Variants in NAA50 observed in about 807,000 individuals in gnomAD.
NAA50 encodes the protein N-alpha-acetyltransferase 50.
A neutral mutation model predicts 20.7 loss-of-function variants in NAA50; 7 were observed. The observed-to-expected ratio is 0.34, with a 90% CI of 0.19 to 0.63. The LOEUF (loss-of-function observed/expected upper bound fraction) is 0.63, where lower values mean the gene tolerates loss of function less well. Ranked by LOEUF, NAA50 falls within the 30% of genes least tolerant of loss-of-function variation. The pLI, the probability that NAA50 is intolerant of heterozygous loss-of-function variation, is 0.75. For synonymous variants in NAA50, 54 were observed against 70.6 expected, an observed-to-expected ratio of 0.77 and a Z score of 1.18; for missense variants, 111 against 199.1, an observed-to-expected ratio of 0.56 and a Z score of 2.66.
At chr3:113,723,565 T>C (rs777749251) in intron 2 of NAA50, 24 bp from the exon 3 acceptor site, 3 of 1,592,440 alleles carry the variant, frequency 1.9e-6, no homozygotes, top group Admixed American at 1.8e-5. Flanking sequence ...CATAAAGATA[T>C]AATGTTGAAC....
chr3:113,732,799 T>A (rs549875146), intron 1 of NAA50, among the ~76,000 whole-genome samples: 17 of 152,334 alleles, frequency 1.1e-4, no homozygotes, highest in African/African-American at 3.8e-4. Context: ...TGCCAACACC[T>A]TGATTTTAGC....
intron 1 of NAA50, among the ~76,000 whole-genome samples, chr3:113,735,474 A>G (rs1259533535): frequency 6.6e-6 from 1 of 152,250 alleles, no homozygotes; most frequent in Non-Finnish European, 1.5e-5. Flanking sequence ...AAGGATGGGC[A>G]TAGAGAACGG....
At chr3:113,725,056 C>G (rs1708184560) in intron 1 of NAA50, among the ~76,000 whole-genome samples, 1 of 152,186 alleles carries the variant, frequency 6.6e-6, no homozygotes, top group Admixed American at 6.5e-5. Context: ...AAGGAGCATT[C>G]CTAAGAAACC....
chr3:113,728,504 GC>G (rs1338509883), intron 1 of NAA50, among the ~76,000 whole-genome samples: 4 of 152,206 alleles, frequency 2.6e-5, no homozygotes, highest in African/African-American at 9.6e-5. Context: ...CTGTGGAAGG[GC>G]AAGAGATGCA....
intron 1 of NAA50, among the ~76,000 whole-genome samples, chr3:113,737,156 A>G (rs1178943301): frequency 6.6e-6 from 1 of 152,126 alleles, no homozygotes; most frequent in East Asian, 1.9e-4. Context: ...TTTACCCCTC[A>G]AGGTCACTTT....
In NAA50 at chr3:113,716,918, C is replaced by T. The variant is rs1365608659; in HGVS notation, c.*4842G>A. On this transcript the variant is annotated 3_prime_UTR_variant, in exon 5 of 5. Coordinates refer to ENST00000240922, the MANE Select transcript of NAA50 (RefSeq NM_025146.4). The stretch of plus-strand genomic sequence containing the variant: ...CTAGATCTCAACTCTAGGCTGTTAA[C>T]AAGTAGCAACTCCTTCATATTAACT... 6.6e-6 allele frequency: 1 copy of T among 152,216 alleles called. No homozygotes were observed. The highest frequency in any genetic ancestry group is 6.5e-5 in the Admixed American group (1 of 15,280). The allele number at this position is 152,216 out of a possible 1,614,324, so 9.4% of individuals were successfully genotyped here. A position where few individuals can be genotyped will look rare whatever the true frequency, so the allele number is the denominator to read the frequency against.
intron 3 of NAA50, 46 bp downstream of exon 3, chr3:113,723,374 AAT>A: frequency 2.6e-6 from 4 of 1,545,374 alleles, no homozygotes; most frequent in Admixed American, 2.0e-5. Flanking sequence ...ATTAACAAAT[AAT>A]ATGTTTATGC....
At chr3:113,743,705 T>C (rs1412421130) in intron 1 of NAA50, among the ~76,000 whole-genome samples, 1 of 152,188 alleles carries the variant, frequency 6.6e-6, no homozygotes, top group Non-Finnish European at 1.5e-5. Flanking sequence ...AGAACACAAT[T>C]CTAAGCTCCC....
At chr3:113,737,794 T>C (rs1050236099) in intron 1 of NAA50, among the ~76,000 whole-genome samples, 1 of 152,114 alleles carries the variant, frequency 6.6e-6, no homozygotes, top group African/African-American at 2.4e-5. Flanking sequence ...GCCAGAACTC[T>C]CCTACATCCT....
Position 113,720,792 on chromosome 3 carries a change from C to T in NAA50, c.*968G>A, listed in dbSNP as rs1454385141. The T allele has an allele frequency of 2.6e-4, 39 of 152,244 alleles. No individual in the cohort carries two copies. The highest frequency in any genetic ancestry group is 5.7e-4 in the Non-Finnish European group (39 of 68,010). 9.4% of individuals were successfully genotyped at this position (152,244 alleles called of 1,614,324 possible). On this transcript the variant is annotated 3_prime_UTR_variant, in exon 5 of 5. Transcript: ENST00000240922. ...TAATTGAATTTTTTGTGTCACAGCC[C>T]ATCTAAGCTTCCTTTTAGGTATTTT...
At chr3:113,731,425 A>ACTCC (rs1352450449) in intron 1 of NAA50, among the ~76,000 whole-genome samples, 1 of 151,992 alleles carries the variant, frequency 6.6e-6, no homozygotes, top group Non-Finnish European at 1.5e-5. Flanking sequence ...AGGTGTATGA[A>ACTCC]CTCCCTCTTT....
At position 113,741,018 on chromosome 3, in the gene NAA50, T is replaced by C. The variant is rs1380256301; in HGVS notation, c.8+4924A>G. The C allele has an allele frequency of 1.2e-5, 6 of 488,978 alleles. No individual in the cohort carries two copies. In the Admixed American group the frequency reaches 1.4e-4, roughly 12 times the overall value. The allele number at this position is 488,978 out of a possible 1,614,324, so 30.3% of individuals were successfully genotyped here. ...TCCTTCTTTTACATAACATTAACAG[T>C]TACTTTTCTAATCCCTTCTTCAGTG... On this transcript the variant is annotated intron_variant, in intron 1 of 4. Coordinates refer to ENST00000240922, the MANE Select transcript of NAA50 (RefSeq NM_025146.4).
chr3:113,736,509 T>TC (rs1708344525), intron 1 of NAA50, among the ~76,000 whole-genome samples: 1 of 152,208 alleles, frequency 6.6e-6, no homozygotes, highest in Non-Finnish European at 1.5e-5. Context: ...GGCCTATAAA[T>TC]CAAGCAGTGT....
intron 1 of NAA50, among the ~76,000 whole-genome samples, chr3:113,728,915 T>G (rs562906953): frequency 6.6e-6 from 1 of 152,324 alleles, no homozygotes; most frequent in East Asian, 1.9e-4. Context: ...TTGGCTGCAG[T>G]ATATGTTAAC....
Position 113,721,946 on chromosome 3 carries a change from TAA to T in NAA50, c.333-11_333-10del. The T allele has an allele frequency of 6.3e-7, 1 of 1,598,962 alleles. No homozygotes were observed. The highest frequency in any genetic ancestry group is 8.5e-7 in the Non-Finnish European group (1 of 1,174,660). On this transcript the variant is annotated splice_polypyrimidine_tract_variant and intron_variant, in intron 4 of 4. Coordinates refer to ENST00000240922, the MANE Select transcript of NAA50 (RefSeq NM_025146.4). ...TGCTGATCTGGACATGCCTGAGATATAAGAGAGTATCAGAAAAAAAATTAAAA... is the reference window on the plus strand; with the variant it reads ...TGCTGATCTGGACATGCCTGAGATATGAGAGTATCAGAAAAAAAATTAAAA...
At chr3:113,735,233 G>C (rs777512705) in intron 1 of NAA50, among the ~76,000 whole-genome samples, 4 of 152,188 alleles carry the variant, frequency 2.6e-5, no homozygotes, top group Admixed American at 6.5e-5. Flanking sequence ...AAAACCTGGA[G>C]AGTGAGTAGT....
At chr3:113,723,316 T>C in intron 3 of NAA50, 106 bp downstream of exon 3, 1 of 1,077,670 alleles carries the variant, frequency 9.3e-7, no homozygotes, top group Non-Finnish European at 1.3e-6. Context: ...AGTAACCCTT[T>C]CTCAGTATTC....
chr3:113,741,223 C>T lies in NAA50; in HGVS notation c.8+4719G>A, dbSNP rs144844357. 68 of 460,630 alleles carry T rather than the reference C, an allele frequency of 1.5e-4. No homozygotes were observed. In the East Asian group the frequency reaches 2.1e-3, roughly 14 times the overall value. 28.5% of individuals were successfully genotyped at this position (460,630 alleles called of 1,614,324 possible). A position where few individuals can be genotyped will look rare whatever the true frequency, so the allele number is the denominator to read the frequency against. On this transcript the variant is annotated intron_variant, in intron 1 of 4. Coordinates refer to ENST00000240922, the MANE Select transcript of NAA50 (RefSeq NM_025146.4). ...ACAAATCAGCTGCCCAGCATTCCTGCTCCAGGTCCTCAGTACACAGACTGC... is the reference window on the plus strand; with the variant it reads ...ACAAATCAGCTGCCCAGCATTCCTGTTCCAGGTCCTCAGTACACAGACTGC...
intron 1 of NAA50, among the ~76,000 whole-genome samples, chr3:113,726,265 TAAAA>T (rs147258939): frequency 2.6e-5 from 4 of 152,100 alleles, no homozygotes; most frequent in Admixed American, 1.3e-4. Context: ...AAAGTAAAAA[TAAAA>T]AAATAGACAT....
Sources: gnomAD v4.1 joint callset for allele counts (sites outside exome capture counted in the v4.1 genomes callset) on GRCh38, gnomAD v4.1.1 for gene constraint, MANE v1.5 for transcripts, NCBI Gene and HGNC (gene_info 2026-07-23, HGNC 2026-07-21) for gene names.